The following MYO9B variants were observed in gnomAD, a reference collection of about 807,000 sequenced individuals.
The protein encoded by MYO9B is myosin IXB.
A neutral mutation model predicts 229.5 loss-of-function variants in MYO9B; 71 were observed. The ratio of observed to expected loss-of-function variants is 0.31; its 90% CI spans 0.26 to 0.38. The LOEUF is 0.38. Ranked by LOEUF, MYO9B falls within the 10% of genes least tolerant of loss-of-function variation. The pLI, the probability that MYO9B is intolerant of heterozygous loss-of-function variation, is 1.00. For synonymous variants in MYO9B, 1,185 were observed against 1,235.8 expected, an observed-to-expected ratio of 0.96 and a Z score of 0.86; for missense variants, 2,255 against 2,920.5, an observed-to-expected ratio of 0.77 and a Z score of 5.25.
chr19:17,174,322 C>T (rs759629437), intron 13 of MYO9B, among the ~76,000 whole-genome samples: 9 of 152,188 alleles, frequency 5.9e-5, no homozygotes, highest in South Asian at 2.1e-4. Flanking sequence ...TGAGCCACCA[C>T]GCCTGGCCAA....
chr19:17,096,137 ACCAG>A (rs1357695518), intron 1 of MYO9B, among the ~76,000 whole-genome samples: 1 of 152,108 alleles, frequency 6.6e-6, no homozygotes, highest in Non-Finnish European at 1.5e-5. Context: ...AGCATCAGGA[ACCAG>A]CCATCCTGAA....
At position 17,205,291 on chromosome 19, in the gene MYO9B, C is replaced by T. The variant is rs543470706; in HGVS notation, c.5019C>T (p.Cys1673=). Residue 1673 remains cysteine (C), a synonymous_variant, in exon 31 of 40, where the codon TGC becomes TGT. Coordinates refer to ENST00000682292, the MANE Select transcript of MYO9B (RefSeq NM_004145.4). ...GCAAGATGACCTGCCACAAGAAGTG[C>T]GTGCACAAGATTCAGAGCCACTGCT... ...SVCKMTCHKK[C]VHKIQSHCSY... 8.2e-5 allele frequency: 132 copies of T among 1,613,768 alleles called. 1 individual carries two copies. In the South Asian group the frequency reaches 1.1e-3, roughly 13 times the overall value.
intron 10 of MYO9B, among the ~76,000 whole-genome samples, 187 bp from the exon 11 acceptor site, chr19:17,167,756 G>A (rs1202803635): frequency 1.3e-5 from 2 of 152,166 alleles, no homozygotes; most frequent in Admixed American, 6.6e-5. Context: ...TGGGATTACA[G>A]GCGTGAGCCA....
At chr19:17,179,240 C>T (rs903662251) in intron 14 of MYO9B, among the ~76,000 whole-genome samples, 3 of 151,824 alleles carry the variant, frequency 2.0e-5, no homozygotes, top group South Asian at 2.1e-4. Flanking sequence ...GGGATGGTAC[C>T]GCCCCGGTTG....
At chr19:17,085,653 G>A (rs1248357241) in intron 1 of MYO9B, among the ~76,000 whole-genome samples, 2 of 138,424 alleles carry the variant, frequency 1.4e-5, no homozygotes, top group African/African-American at 5.3e-5. Context: ...GGGAGATCCC[G>A]TCTTTAATAA....
At chr19:17,178,300 CAT>C (rs1242816422) in intron 14 of MYO9B, 2 of 152,230 alleles carry the variant, frequency 1.3e-5, no homozygotes, top group Admixed American at 1.3e-4. Flanking sequence ...AGAGCTAAAA[CAT>C]GTGCTTTGAA....
At chr19:17,187,475 C>G (rs1051473589) in intron 18 of MYO9B, among the ~76,000 whole-genome samples, 3 of 152,200 alleles carry the variant, frequency 2.0e-5, no homozygotes, top group African/African-American at 7.2e-5. Context: ...TCCTCTCCAC[C>G]GAATTCCCAG....
chr19:17,089,364 T>C (rs1168681517), intron 1 of MYO9B, among the ~76,000 whole-genome samples: 2 of 152,260 alleles, frequency 1.3e-5, no homozygotes, highest in Admixed American at 1.3e-4. Flanking sequence ...ATGAGTCTGC[T>C]GTAATGCTAG....
At chr19:17,108,380 C>G (rs1211360056) in intron 2 of MYO9B, among the ~76,000 whole-genome samples, 11 of 151,204 alleles carry the variant, frequency 7.3e-5, no homozygotes, top group African/African-American at 2.7e-4. Context: ...CTCAACCTGG[C>G]TCTGCTGACA....
intron 11 of MYO9B, among the ~76,000 whole-genome samples, chr19:17,169,797 T>TCCC (rs780270240): frequency 9.2e-6 from 1 of 109,280 alleles, no homozygotes; most frequent in South Asian, 3.1e-4. Context: ...CAATCCTGTC[T>TCCC]CCTCCTTTTT....
Position 17,195,464 on chromosome 19 carries a change from C to A in MYO9B, c.4037C>A (p.Thr1346Lys). ...DRHRATGAAL[T>K]PTEERRTSFS... ...CACCGGGCCACAGGGGCCGCCCTCA[C>A]GCCCACAGAGTAAGCCCCACACCCT... The change falls in exon 22 of 40, where the codon ACG becomes AAG. Residue 1346 changes from threonine to lysine, a missense_variant. By Grantham distance (78) the Thr-to-Lys change is moderately conservative. Transcript: ENST00000682292. The surrounding 1 kb of genome is among the most constrained non-coding windows in gnomAD (Gnocchi z 4.5). The A allele has an allele frequency of 6.3e-7, 1 of 1,595,546 alleles. No homozygotes were observed. Among genetic ancestry groups the A allele is most frequent in the Non-Finnish European group, 8.5e-7 (1 of 1,176,086 alleles).
intron 8 of MYO9B, among the ~76,000 whole-genome samples, chr19:17,160,978 C>A (rs556890242): frequency 6.6e-6 from 1 of 151,682 alleles, no homozygotes; most frequent in Admixed American, 6.6e-5. Context: ...GGATTACAGG[C>A]GTGAGCCACG....
intron 30 of MYO9B, among the ~76,000 whole-genome samples, chr19:17,204,729 GC>G (rs2073141443): frequency 6.6e-6 from 1 of 151,830 alleles, no homozygotes; most frequent in Admixed American, 6.6e-5. Context: ...CGCCTGTAGT[GC>G]CAGCTACTTG....
At chr19:17,114,200 G>T (rs1041676574) in intron 2 of MYO9B, among the ~76,000 whole-genome samples, 1 of 152,248 alleles carries the variant, frequency 6.6e-6, no homozygotes, top group African/African-American at 2.4e-5. Flanking sequence ...CATTGTAACA[G>T]ATGGTCTCTG....
At chr19:17,194,458 C>A in intron 21 of MYO9B, 98 bp from the exon 22 acceptor site, 3 of 1,378,888 alleles carry the variant, frequency 2.2e-6, no homozygotes, top group Non-Finnish European at 3.0e-6. Flanking sequence ...GGCGAAGCCC[C>A]GTCTGCAGCC....
At chr19:17,076,219 C>G (rs1184421440) in intron 1 of MYO9B, among the ~76,000 whole-genome samples, 1 of 151,480 alleles carries the variant, frequency 6.6e-6, no homozygotes, top group Non-Finnish European at 1.5e-5. Flanking sequence ...AACGAGAGGC[C>G]CAGGCTGGGG....
At chr19:17,126,310 C>T (rs2058018441) in intron 2 of MYO9B, among the ~76,000 whole-genome samples, 1 of 152,214 alleles carries the variant, frequency 6.6e-6, no homozygotes, top group Admixed American at 6.5e-5. Context: ...TGCTCCTCCA[C>T]GTCCCCACCA....
In MYO9B at chr19:17,131,214, G is replaced by A. The variant is rs371403184; in HGVS notation, c.841-14183G>A. 5.3e-5 allele frequency among the ~76,000 whole-genome samples: 8 copies of A among 152,354 alleles called. No homozygotes were observed. In the South Asian group the frequency reaches 1.2e-3, roughly 24 times the overall value. ...GCCCAATCATTCTCCCCCACTGGAA[G>A]GCCCCATCACAGTAGTGGGAATAAA... is the stretch of plus-strand genomic sequence containing the variant. On this transcript the variant is annotated intron_variant, in intron 2 of 39. Coordinates refer to ENST00000682292, the MANE Select transcript of MYO9B (RefSeq NM_004145.4).
chr19:17,111,944 G>A (rs541989551), intron 2 of MYO9B, among the ~76,000 whole-genome samples: 5 of 152,168 alleles, frequency 3.3e-5, no homozygotes, highest in Admixed American at 1.3e-4. Context: ...CATACACGTC[G>A]TAGCATGGAT....
Sources: allele counts gnomAD v4.1 joint callset (sites outside exome capture counted in the v4.1 genomes callset), GRCh38; gene constraint gnomAD v4.1.1; non-coding constraint Gnocchi (gnomAD v3.1); transcripts MANE v1.5; gene names NCBI Gene and HGNC (gene_info 2026-07-23, HGNC 2026-07-21).